Variants in MDGA1 observed in about 807,000 individuals in gnomAD.
MDGA1 encodes MAM domain-containing glycosylphosphatidylinositol anchor protein 1.
A neutral mutation model predicts 101.5 loss-of-function variants in MDGA1; 54 were observed. The observed-to-expected ratio is 0.53, with a 90% CI of 0.43 to 0.67. The LOEUF (loss-of-function observed/expected upper bound fraction) is 0.67. Among genes scored for constraint, MDGA1 ranks in the 30% least tolerant of loss-of-function variants. MDGA1 has a pLI of 0.00. For synonymous variants in MDGA1, 533 were observed against 558.3 expected (o/e 0.95, Z 0.64); for missense variants, 1,083 against 1,323.8 (o/e 0.82, Z 2.82).
At chr6:37,656,033 G>A in intron 3 of MDGA1, 137 bp from the exon 4 acceptor site, 3 of 677,768 alleles carry the variant, frequency 4.4e-6, no homozygotes, top group Non-Finnish European at 7.3e-6. Context: ...TCTCAGCCCT[G>A]CAAGCTTAAC....
At position 37,654,874 on chromosome 6, in the gene MDGA1, G is replaced by T. The variant is rs1761448810; in HGVS notation, c.638C>A (p.Thr213Asn). 2 of 1,613,822 alleles carry T rather than the reference G, an allele frequency of 1.2e-6. No individual in the cohort carries two copies. Among genetic ancestry groups the T allele is most frequent in the Non-Finnish European group, 1.7e-6 (2 of 1,179,848 alleles). The part of the protein sequence containing the change: ...NLRPQDYASY[T>N]CQVSVRNVCG... ...CACGTTACGCACAGACACCTGGCAG[G>T]TGTAGCTGGCATAGTCCTGGGGCCG... The change falls in exon 5 of 17, where the codon ACC (threonine) becomes AAC (asparagine). Residue 213 changes from threonine to asparagine, a missense_variant. Thr to Asn is a moderately conservative substitution (Grantham distance 65). Coordinates refer to ENST00000434837, the MANE Select transcript of MDGA1 (RefSeq NM_153487.4).
intron 14 of MDGA1, among the ~76,000 whole-genome samples, chr6:37,640,070 G>A (rs1764027887): frequency 6.6e-6 from 1 of 152,254 alleles, no homozygotes; most frequent in South Asian, 2.1e-4. Flanking sequence ...GAGTGGTCTG[G>A]GCCTGGGGAG....
intron 1 of MDGA1, among the ~76,000 whole-genome samples, chr6:37,671,865 A>G (rs778537291): frequency 6.6e-6 from 1 of 152,336 alleles, no homozygotes; most frequent in South Asian, 2.1e-4. Flanking sequence ...AACCTTGATT[A>G]AAAGCACCTT....
rs535329514 is a variant in MDGA1 at position 37,670,971 on chromosome 6, G to A, written c.68-6865C>T. Among the ~76,000 whole-genome samples the A allele has an allele frequency of 2.3e-3, 357 of 152,298 alleles. 1 individual carries two copies. The highest frequency in any genetic ancestry group is 0.017 in the Middle Eastern group (5 of 294). On this transcript the variant is annotated intron_variant, in intron 1 of 16. Coordinates refer to ENST00000434837, the MANE Select transcript of MDGA1 (RefSeq NM_153487.4). ...CCCAGGAATTTCAGAGGCATGGCTG[G>A]ATTTGATCATCTTTGCTTGACACCA...
chr6:37,673,749 T>G (rs1260355415), intron 1 of MDGA1, among the ~76,000 whole-genome samples: 1 of 152,006 alleles, frequency 6.6e-6, no homozygotes, highest in African/African-American at 2.4e-5. Context: ...GAGGCTCCAG[T>G]TCTGTGCTAG....
intron 1 of MDGA1, among the ~76,000 whole-genome samples, chr6:37,667,071 G>GGC (rs1158502014): frequency 6.6e-6 from 1 of 152,188 alleles, no homozygotes; most frequent in Non-Finnish European, 1.5e-5. Context: ...CTGCAAGTAG[G>GGC]GCCTTCCCCC....
At chr6:37,670,591 C>T (rs1014630220) in intron 1 of MDGA1, among the ~76,000 whole-genome samples, 18 of 152,200 alleles carry the variant, frequency 1.2e-4, no homozygotes, top group Admixed American at 7.2e-4. Context: ...GTGCCTGGTA[C>T]GCAGTATGCA....
intron 12 of MDGA1, 35 bp from the exon 13 acceptor site, chr6:37,644,684 G>A: frequency 6.7e-7 from 1 of 1,500,852 alleles, no homozygotes; most frequent in South Asian, 1.4e-5. Context: ...CAAAGAGTCA[G>A]CCTCTTCAGT....
chr6:37,656,057 G>T (rs1285267146), intron 3 of MDGA1, among the ~76,000 whole-genome samples, 161 bp from the exon 4 acceptor site: 1 of 149,806 alleles, frequency 6.7e-6, no homozygotes, highest in Non-Finnish European at 1.5e-5. Flanking sequence ...CCTGTTAGAG[G>T]CAGGGGATAG....
chr6:37,689,174 T>C (rs1396193496), intron 1 of MDGA1, among the ~76,000 whole-genome samples: 1 of 152,030 alleles, frequency 6.6e-6, no homozygotes, highest in East Asian at 1.9e-4. Context: ...CTCTCAGGCC[T>C]CCTCCCGCCC....
intron 1 of MDGA1, among the ~76,000 whole-genome samples, chr6:37,693,959 A>T (rs886576364): frequency 6.6e-6 from 1 of 152,138 alleles, no homozygotes; most frequent in Non-Finnish European, 1.5e-5. Flanking sequence ...CTCAGTGGGA[A>T]GCAGGACATA....
At position 37,665,382 on chromosome 6, in the gene MDGA1, A is replaced by G. The variant is rs1425724866; in HGVS notation, c.68-1276T>C. ...GCACAGGGGTGTTAAAATAGAAATC[A>G]TAAGAGTGATGGAACCGACTCTGTG... On this transcript the variant is annotated intron_variant, in intron 1 of 16. Coordinates refer to ENST00000434837, the MANE Select transcript of MDGA1 (RefSeq NM_153487.4). Among the ~76,000 whole-genome samples the G allele has an allele frequency of 2.0e-5, 3 of 152,208 alleles. No homozygotes were observed. The East Asian group carries it at 5.8e-4, about 29-fold the overall frequency.
At chr6:37,656,070 C>A (rs950386993) in intron 3 of MDGA1, among the ~76,000 whole-genome samples, 174 bp from the exon 4 acceptor site, 11 of 114,050 alleles carry the variant, frequency 9.6e-5, no homozygotes, top group African/African-American at 3.2e-4. Flanking sequence ...GGGGATAGGA[C>A]TTTTTCCTTT....
In MDGA1 at chr6:37,650,346, G is replaced by A; in HGVS notation, c.1372C>T (p.Pro458Ser). ...RAVVTVREGS[P>S]AELQCEVRGK... ...CGCACCTCGCATTGCAGCTCGGCAG[G>A]CGATCCCTCGCGCACGGTCACCACG... Residue 458 changes from proline to serine, a missense_variant, in exon 8 of 17, where the codon CCT becomes TCT. By Grantham distance (74) the Pro-to-Ser change is moderately conservative (BLOSUM62 -1). Coordinates refer to ENST00000434837, the MANE Select transcript of MDGA1 (RefSeq NM_153487.4). 1 of 1,578,418 alleles carries A rather than the reference G, an allele frequency of 6.3e-7. No homozygotes were observed. Among genetic ancestry groups the A allele is most frequent in the Non-Finnish European group, 8.6e-7 (1 of 1,164,558 alleles).
At chr6:37,664,212 C>T (rs1761692524) in intron 1 of MDGA1, 106 bp from the exon 2 acceptor site, 3 of 1,428,788 alleles carry the variant, frequency 2.1e-6, no homozygotes, top group Non-Finnish European at 2.9e-6. Context: ...CCCAGATCTC[C>T]CCAGGCCATT....
Position 37,635,849 on chromosome 6 carries a change from G to C in MDGA1, c.*1519C>G, listed in dbSNP as rs1032107570. 7 of 397,990 alleles carry C rather than the reference G, an allele frequency of 1.8e-5. No homozygotes were observed. The highest frequency in any genetic ancestry group is 3.1e-5 in the Non-Finnish European group (7 of 226,046). The allele number at this position is 397,990 out of a possible 1,614,324, so 24.7% of individuals were successfully genotyped here. A position where few individuals can be genotyped will look rare whatever the true frequency, so the allele number is the denominator to read the frequency against. ...GGGCTGGACAGAGTCTATTCAGCCAGCACCCTACAAGCGAACACATCACTC... is the reference window on the plus strand; with the variant it reads ...GGGCTGGACAGAGTCTATTCAGCCACCACCCTACAAGCGAACACATCACTC... On this transcript the variant is annotated 3_prime_UTR_variant, in exon 17 of 17. Transcript: ENST00000434837.
At chr6:37,653,461 G>A (rs1177927453) in intron 6 of MDGA1, among the ~76,000 whole-genome samples, 1 of 152,202 alleles carries the variant, frequency 6.6e-6, no homozygotes, top group Non-Finnish European at 1.5e-5. Context: ...GAGTTCGGCA[G>A]AAGCTGTACT....
intron 1 of MDGA1, 184 bp from the exon 2 acceptor site, chr6:37,664,290 G>A (rs547057270): frequency 1.9e-5 from 13 of 669,370 alleles, no homozygotes; most frequent in Admixed American, 1.5e-4. Context: ...AGAACCAGGC[G>A]GGCCAGGAAC....
chr6:37,642,958 G>T (rs1340495554), intron 14 of MDGA1, among the ~76,000 whole-genome samples: 1 of 152,196 alleles, frequency 6.6e-6, no homozygotes, highest in African/African-American at 2.4e-5. Context: ...GCCTGCCAAA[G>T]GGCACTCCTT....
Sources: allele counts gnomAD v4.1 joint callset (sites outside exome capture counted in the v4.1 genomes callset), GRCh38; gene constraint gnomAD v4.1.1; transcripts MANE v1.5; gene names NCBI Gene and HGNC (gene_info 2026-07-23, HGNC 2026-07-21).